Variants in STARD13 observed in about 807,000 individuals in gnomAD.
STARD13 encodes the protein StAR related lipid transfer domain containing 13.
STARD13 carries 62 observed loss-of-function variants against 106.4 expected under a neutral mutation model. The observed-to-expected ratio is 0.58, with a 90% confidence interval of 0.48 to 0.72. The LOEUF is 0.72. STARD13 is among the 30% of genes least tolerant of loss of function. STARD13 has a pLI of 0.00. For missense variants in STARD13, 1,387 were observed against 1,424.0 expected (o/e 0.97, Z 0.42); for synonymous variants, 565 against 553.0 (o/e 1.02, Z -0.31).
chr13:33,427,476 T>G, the STARD13 span, among the ~76,000 whole-genome samples: 1 of 152,200 alleles, frequency 6.6e-6, no homozygotes, highest in African/African-American at 2.4e-5. Flanking sequence ...TAACCCACAC[T>G]GGTGGCACGC....
the STARD13 span, among the ~76,000 whole-genome samples, chr13:33,464,045 A>ATATATATATATATATATATG: frequency 1.4e-5 from 2 of 147,132 alleles, no homozygotes; most frequent in Non-Finnish European, 3.0e-5. Context: ...ATATATATGT[A>ATATATATATATATATATATG]TATGTATATG....
intron 1 of STARD13, among the ~76,000 whole-genome samples, chr13:33,282,837 C>A (rs573396360): frequency 7.2e-5 from 11 of 151,782 alleles, no homozygotes; most frequent in Admixed American, 2.0e-4. Flanking sequence ...GACCAGCCTG[C>A]GCAATATAGT....
rs1192141798 is a variant in STARD13 at position 33,127,360 on chromosome 13, A to C, written c.1922+13T>G. On this transcript the variant is annotated intron_variant, in intron 6 of 13. Coordinates refer to ENST00000336934, the MANE Select transcript of STARD13 (RefSeq NM_178006.4). ...GAGCCAAGGATCCCCTCCTAGGTGAATGTGCTACGCACCATGTCCAGCCGT... is the reference window on the plus strand; with the variant it reads ...GAGCCAAGGATCCCCTCCTAGGTGACTGTGCTACGCACCATGTCCAGCCGT... 3 of 1,556,942 alleles carry C rather than the reference A, an allele frequency of 1.9e-6. No individual in the cohort carries two copies. In the African/African-American group the frequency reaches 4.2e-5, roughly 22 times the overall value.
chr13:33,438,386 T>C, the STARD13 span, among the ~76,000 whole-genome samples: 1 of 152,220 alleles, frequency 6.6e-6, no homozygotes, highest in Non-Finnish European at 1.5e-5. Context: ...AGGGTTCTAC[T>C]TATGTCATAA....
the STARD13 span, among the ~76,000 whole-genome samples, chr13:33,604,065 AG>A: frequency 6.6e-6 from 1 of 152,236 alleles, no homozygotes; most frequent in Non-Finnish European, 1.5e-5. Context: ...AGAAATAAAA[AG>A]CAATCATTAT....
At chr13:33,534,458 A>G in the STARD13 span, among the ~76,000 whole-genome samples, 1 of 152,216 alleles carries the variant, frequency 6.6e-6, no homozygotes. Flanking sequence ...CTGGTTTTAA[A>G]TGTAATTCAA....
intron 1 of STARD13, among the ~76,000 whole-genome samples, chr13:33,258,357 G>A (rs74045752): frequency 0.025 from 3,737 of 151,968 alleles, 158 homozygotes; most frequent in African/African-American, 0.085. Flanking sequence ...CTCAATAGAA[G>A]AAGAGCAAAA....
chr13:33,565,169 A>G, the STARD13 span, among the ~76,000 whole-genome samples: 2 of 146,846 alleles, frequency 1.4e-5, no homozygotes, highest in Non-Finnish European at 3.0e-5. Context: ...GGAGCTTAAA[A>G]AAACGTGGAT....
At position 33,126,142 on chromosome 13, in the gene STARD13, TGTCCC is replaced by T; in HGVS notation, c.2016_2020del (p.Gly673AlafsTer41). 6.2e-7 allele frequency: 1 copy of T among 1,614,236 alleles called. No individual in the cohort carries two copies. The highest frequency in any genetic ancestry group is 8.5e-7 in the Non-Finnish European group (1 of 1,180,038). ...TTGCTGAATACTTTGAGGCAGGGGC[TGTCCC>T]GTTCTTTGGACGTGGACTATGAGAG... is the stretch of plus-strand genomic sequence containing the variant. On this transcript the variant is annotated frameshift_variant, in exon 7 of 14. Coordinates refer to ENST00000336934, the MANE Select transcript of STARD13 (RefSeq NM_178006.4). LOFTEE classifies it high-confidence loss of function.
intron 1 of STARD13, among the ~76,000 whole-genome samples, chr13:33,255,907 C>T (rs1274975049): frequency 6.6e-6 from 1 of 152,146 alleles, no homozygotes; most frequent in Admixed American, 6.5e-5. Flanking sequence ...TGATGGTCTA[C>T]AGGTAGTATA....
chr13:33,103,533 G>A lies in STARD13; in HGVS notation c.*2060C>T, dbSNP rs1403440732. ...GGATCTTCTAGGTCCTCGTTTCTGA[G>A]TGTGGTTTTAGGCCAGCAGCATAGG... On this transcript the variant is annotated 3_prime_UTR_variant, in exon 14 of 14. Transcript: ENST00000336934. 6.6e-6 allele frequency: 1 copy of A among 152,666 alleles called. No individual in the cohort carries two copies. Among genetic ancestry groups the A allele is most frequent in the Non-Finnish European group, 1.5e-5 (1 of 68,052 alleles). The allele number at this position is 152,666 out of a possible 1,614,324, so 9.5% of individuals were successfully genotyped here.
the STARD13 span, chr13:33,359,664 C>CAA: frequency 1.1e-3 from 155 of 139,842 alleles, 1 homozygote; most frequent in African/African-American, 2.4e-3. Context: ...GACTCCATCT[C>CAA]AAAAAAAAAA....
the STARD13 span, among the ~76,000 whole-genome samples, chr13:33,457,850 G>T: frequency 6.6e-6 from 1 of 152,298 alleles, no homozygotes; most frequent in South Asian, 2.1e-4. Flanking sequence ...TTGGGGGTTA[G>T]ATTTCAACAT....
chr13:33,131,899 G>A (rs1878346037), intron 4 of STARD13, among the ~76,000 whole-genome samples: 1 of 152,158 alleles, frequency 6.6e-6, no homozygotes, highest in Non-Finnish European at 1.5e-5. Context: ...AGTGCATTCA[G>A]CAGTCCCTCA....
At chr13:33,318,049 T>C (rs1388287405) in intron 1 of STARD13, among the ~76,000 whole-genome samples, 2 of 152,194 alleles carry the variant, frequency 1.3e-5, no homozygotes, top group Non-Finnish European at 2.9e-5. Flanking sequence ...TTGGCATCAA[T>C]TAGAGGTTTA....
chr13:33,419,898 G>A, the STARD13 span, among the ~76,000 whole-genome samples: 1 of 152,148 alleles, frequency 6.6e-6, no homozygotes, highest in African/African-American at 2.4e-5. Context: ...TTACAGACAA[G>A]CAAATGCTGA....
chr13:33,627,531 G>T, the STARD13 span, among the ~76,000 whole-genome samples: 1 of 152,014 alleles, frequency 6.6e-6, no homozygotes, highest in Non-Finnish European at 1.5e-5. Flanking sequence ...CAGCTACTCA[G>T]GAGGCTGAGC....
At chr13:33,661,773 C>T in the STARD13 span, among the ~76,000 whole-genome samples, 46 of 151,950 alleles carry the variant, frequency 3.0e-4, no homozygotes, top group East Asian at 1.6e-3. Context: ...GGGATTGTTA[C>T]AATTCAAGGT....
Position 33,112,755 on chromosome 13 carries a change from G to A in STARD13, c.2458C>T (p.His820Tyr). ...LAVCLAPSLF[H>Y]LNLLKKESSP... ...CTTTCTTTCTTCAATAAATTAAGAT[G>A]AAAGAGGGAGGGGGCCAGACACACT... is the stretch of plus-strand genomic sequence containing the variant. The change falls in exon 9 of 14, where the codon CAT (histidine) becomes TAT (tyrosine). Residue 820 changes from histidine to tyrosine, a missense_variant. Physicochemically the swap from His to Tyr is moderately conservative, Grantham distance 83. Coordinates refer to ENST00000336934, the MANE Select transcript of STARD13 (RefSeq NM_178006.4). 1 of 1,606,256 alleles carries A rather than the reference G, an allele frequency of 6.2e-7. No homozygotes were observed.
Sources: allele counts gnomAD v4.1 joint callset (sites outside exome capture counted in the v4.1 genomes callset), GRCh38; gene constraint gnomAD v4.1.1; transcripts MANE v1.5; gene names NCBI Gene and HGNC (gene_info 2026-07-23, HGNC 2026-07-21).